The following CNTNAP5 variants were observed in gnomAD, a reference collection of about 807,000 sequenced individuals.
CNTNAP5 encodes the protein contactin-associated protein-like 5.
A neutral mutation model predicts 150.2 loss-of-function variants in CNTNAP5; 72 were observed. The ratio of observed to expected loss-of-function variants is 0.48; its 90% CI spans 0.40 to 0.58. The LOEUF is 0.58. CNTNAP5 is among the 20% of genes least tolerant of loss of function. The probability of loss-of-function intolerance (pLI) is 0.00; values close to 1 mark genes in which losing one functional copy is unlikely to be tolerated. For missense variants in CNTNAP5, 1,636 were observed against 1,626.2 expected, an observed-to-expected ratio of 1.01 and a Z score of -0.10; for synonymous variants, 672 against 619.8, an observed-to-expected ratio of 1.08 and a Z score of -1.25.
chr2:124,679,552 C>T (rs529988967), intron 13 of CNTNAP5, among the ~76,000 whole-genome samples: 1 of 151,742 alleles, frequency 6.6e-6, no homozygotes, highest in East Asian at 1.9e-4. Flanking sequence ...ACCCAAAATG[C>T]TGGCTAATTG....
intron 1 of CNTNAP5, among the ~76,000 whole-genome samples, chr2:124,219,206 C>T (rs1467632216): frequency 6.6e-6 from 1 of 151,998 alleles, no homozygotes; most frequent in Non-Finnish European, 1.5e-5. Context: ...ACAATATATG[C>T]ATTTGTAAAA....
intron 1 of CNTNAP5, among the ~76,000 whole-genome samples, chr2:124,066,677 TA>T (rs1342270684): frequency 6.6e-6 from 1 of 152,076 alleles, no homozygotes; most frequent in Non-Finnish European, 1.5e-5. Context: ...TAGTTTATCT[TA>T]TTATTTAAAA....
intron 13 of CNTNAP5, among the ~76,000 whole-genome samples, chr2:124,660,643 C>T (rs192081196): frequency 5.2e-5 from 7 of 134,628 alleles, no homozygotes; most frequent in Middle Eastern, 3.8e-3. Flanking sequence ...AAATTGGGTG[C>T]GTTTTTTGCA....
chr2:124,373,386 G>C (rs924753785), intron 3 of CNTNAP5, among the ~76,000 whole-genome samples: 1 of 152,080 alleles, frequency 6.6e-6, no homozygotes, highest in Non-Finnish European at 1.5e-5. Context: ...AATTATAAAA[G>C]AAACAGATCA....
rs933973030 is a variant in CNTNAP5 at position 124,920,180 on chromosome 2, A to G, written c.*5892A>G. ...GACCAAAGGTGAAGATAATTGTGTT[A>G]GTGATTAACGCCTGGTCTTATTTTA... is the stretch of plus-strand genomic sequence containing the variant. On this transcript the variant is annotated 3_prime_UTR_variant, in exon 24 of 24. Transcript: ENST00000682447. Among the ~76,000 whole-genome samples the G allele has an allele frequency of 1.3e-5, 2 of 152,218 alleles. No individual in the cohort carries two copies. The highest frequency in any genetic ancestry group is 3.9e-4 in the East Asian group (2 of 5,160).
intron 13 of CNTNAP5, among the ~76,000 whole-genome samples, chr2:124,663,939 G>A (rs968434141): frequency 6.6e-6 from 1 of 152,130 alleles, no homozygotes; most frequent in Non-Finnish European, 1.5e-5. Context: ...GAATTCTTTG[G>A]TGGTAAAATT....
chr2:124,263,354 G>A (rs1314717503), intron 3 of CNTNAP5, among the ~76,000 whole-genome samples: 3 of 152,202 alleles, frequency 2.0e-5, no homozygotes, highest in Non-Finnish European at 2.9e-5. Flanking sequence ...ACTGGTGTGA[G>A]ATGGTAGCTC....
At chr2:124,544,034 CAAG>C (rs1302477065) in intron 10 of CNTNAP5, among the ~76,000 whole-genome samples, 3 of 151,716 alleles carry the variant, frequency 2.0e-5, no homozygotes, top group African/African-American at 7.3e-5. Flanking sequence ...CTCATTTTAC[CAAG>C]AAGGACACTG....
chr2:124,865,823 A>G (rs527671097), intron 20 of CNTNAP5, among the ~76,000 whole-genome samples: 35 of 152,200 alleles, frequency 2.3e-4, no homozygotes, highest in African/African-American at 8.4e-4. Flanking sequence ...ACACACTTGT[A>G]GTCCCATGTA....
At chr2:124,275,902 C>A (rs367603992) in intron 3 of CNTNAP5, among the ~76,000 whole-genome samples, 1 of 152,184 alleles carries the variant, frequency 6.6e-6, no homozygotes, top group East Asian at 1.9e-4. Context: ...ATCAGACTTT[C>A]TCCTGACTTG....
At chr2:124,676,039 G>T (rs568706284) in intron 13 of CNTNAP5, among the ~76,000 whole-genome samples, 7 of 152,106 alleles carry the variant, frequency 4.6e-5, no homozygotes, top group Non-Finnish European at 8.8e-5. Flanking sequence ...ATGTTTAATT[G>T]TTTACTGGAC....
At chr2:124,780,051 C>T (rs750066131) in intron 17 of CNTNAP5, among the ~76,000 whole-genome samples, 50 of 152,272 alleles carry the variant, frequency 3.3e-4, no homozygotes, top group African/African-American at 7.0e-4. Context: ...CAGAGCTCCC[C>T]GTGCCGTCCA....
At chr2:124,527,927 C>G (rs1297973499) in intron 10 of CNTNAP5, among the ~76,000 whole-genome samples, 1 of 152,070 alleles carries the variant, frequency 6.6e-6, no homozygotes, top group Non-Finnish European at 1.5e-5. Context: ...CTGGTTTTTG[C>G]TCTTACTGCC....
In CNTNAP5 at chr2:124,842,916, A is replaced by G. The variant is rs541191994; in HGVS notation, c.3218-22390A>G. ...CTCTCTCTTTTTAATTTTTTTTTTAATTTCAGTAGGTTTTGGGGGAACAGG... is the reference window on the plus strand; with the variant it reads ...CTCTCTCTTTTTAATTTTTTTTTTAGTTTCAGTAGGTTTTGGGGGAACAGG... On this transcript the variant is annotated intron_variant, in intron 19 of 23. Coordinates refer to ENST00000682447, the MANE Select transcript of CNTNAP5 (RefSeq NM_001367498.1). Among the ~76,000 whole-genome samples, 307 of 151,868 alleles carry G rather than the reference A, an allele frequency of 2.0e-3. 1 individual carries two copies. The highest frequency in any genetic ancestry group is 4.4e-3 in the South Asian group (21 of 4,820).
chr2:124,724,816 A>G (rs1419134869), intron 13 of CNTNAP5, among the ~76,000 whole-genome samples: 1 of 151,362 alleles, frequency 6.6e-6, no homozygotes, highest in Non-Finnish European at 1.5e-5. Context: ...TCTGTTCTGA[A>G]TTTTAGTCTT....
chr2:124,810,608 G>A (rs1465584459), intron 19 of CNTNAP5, among the ~76,000 whole-genome samples: 1 of 152,104 alleles, frequency 6.6e-6, no homozygotes, highest in African/African-American at 2.4e-5. Flanking sequence ...CATGAAGATT[G>A]CCTGTCACAA....
At chr2:124,302,431 C>G (rs1403122691) in intron 3 of CNTNAP5, among the ~76,000 whole-genome samples, 1 of 152,076 alleles carries the variant, frequency 6.6e-6, no homozygotes, top group East Asian at 1.9e-4. Context: ...CTGGGAAATC[C>G]AAGAGCATGT....
chr2:124,279,793 T>C (rs1687969303), intron 3 of CNTNAP5, among the ~76,000 whole-genome samples: 1 of 152,118 alleles, frequency 6.6e-6, no homozygotes, highest in South Asian at 2.1e-4. Flanking sequence ...TTGTGTGGTT[T>C]CCCACTTTCT....
chr2:124,117,853 G>C, intron 1 of CNTNAP5, among the ~76,000 whole-genome samples: 1 of 152,112 alleles, frequency 6.6e-6, no homozygotes. Context: ...CAGAAATTAA[G>C]TGGGAGGATT....
Sources: gnomAD v4.1 joint callset for allele counts (sites outside exome capture counted in the v4.1 genomes callset) on GRCh38, gnomAD v4.1.1 for gene constraint, MANE v1.5 for transcripts, NCBI Gene and HGNC (gene_info 2026-07-23, HGNC 2026-07-21) for gene names.